The following NPL variants were observed in gnomAD, a reference collection of about 807,000 sequenced individuals.
The protein encoded by NPL is N-acetylneuraminate pyruvate lyase.
Under a neutral mutation model 41.1 loss-of-function variants are expected in NPL, and 32 were observed. That is an observed-to-expected ratio of 0.78 (90% CI 0.59 to 1.05). The LOEUF (loss-of-function observed/expected upper bound fraction) is 1.05. Ranked by LOEUF, NPL falls within the 50% of genes least tolerant of loss-of-function variation. The pLI is 0.00. For synonymous variants in NPL, 128 were observed against 134.9 expected, an observed-to-expected ratio of 0.95 and a Z score of 0.35; for missense variants, 321 against 378.4, an observed-to-expected ratio of 0.85 and a Z score of 1.26.
In NPL at chr1:182,828,928, G is replaced by A; in HGVS notation, c.*20G>A. ...AGCTAGTGCCTCTCTATCAAATCAG[G>A]GTTTGCACCTTGAGACATAATCTAC... is the stretch of plus-strand genomic sequence containing the variant. On this transcript the variant is annotated 3_prime_UTR_variant, in exon 13 of 13. Coordinates refer to ENST00000367553, the MANE Select transcript of NPL (RefSeq NM_030769.3). The surrounding 1 kb of genome is among the most constrained non-coding windows in gnomAD (Gnocchi z 4.0). 1 of 1,613,870 alleles carries A rather than the reference G, an allele frequency of 6.2e-7. No homozygotes were observed. Among genetic ancestry groups the A allele is most frequent in the Non-Finnish European group, 8.5e-7 (1 of 1,180,004 alleles).
At chr1:182,794,287 A>T in intron 2 of NPL, 69 bp from the exon 3 acceptor site, 1 of 1,287,736 alleles carries the variant, frequency 7.8e-7, no homozygotes, top group Non-Finnish European at 1.1e-6. Context: ...CTAGAAATGG[A>T]CTTTGCCTGG....
chr1:182,800,074 C>T (rs992868308), intron 3 of NPL, among the ~76,000 whole-genome samples: 2 of 152,060 alleles, frequency 1.3e-5, no homozygotes, highest in African/African-American at 2.4e-5. Flanking sequence ...TCCTGGTAAC[C>T]GATCATGGTT....
chr1:182,801,836 C>G (rs1666856197), intron 3 of NPL, among the ~76,000 whole-genome samples: 1 of 151,492 alleles, frequency 6.6e-6, no homozygotes, highest in Non-Finnish European at 1.5e-5. Flanking sequence ...GACCTTGTCT[C>G]CAAAAAAACA....
rs1315651967 is a variant in NPL, at chr1:182,830,362, A to G, written c.*1454A>G. On this transcript the variant is annotated 3_prime_UTR_variant, in exon 13 of 13. Transcript: ENST00000367553. ...TCTAAAATTAATTCTTGGGTATCCA[A>G]TAAACAAAGAACTATTTTTCTATTT... 1 of 152,256 alleles carries G rather than the reference A, an allele frequency of 6.6e-6. No homozygotes were observed. The highest frequency in any genetic ancestry group is 2.4e-5 in the African/African-American group (1 of 41,464). 9.4% of individuals were successfully genotyped at this position (152,256 alleles called of 1,614,324 possible).
chr1:182,812,128 C>T (rs371975075), intron 5 of NPL, 28 bp from the exon 6 acceptor site: 49 of 1,612,070 alleles, frequency 3.0e-5, no homozygotes, highest in Non-Finnish European at 3.7e-5. Flanking sequence ...AAACTCTAAG[C>T]GATGCAGCAG....
chr1:182,807,467 A>G (rs988186043), intron 5 of NPL, among the ~76,000 whole-genome samples: 1 of 152,114 alleles, frequency 6.6e-6, no homozygotes, highest in Non-Finnish European at 1.5e-5. Flanking sequence ...GTGCATATCC[A>G]CAGAAGCATT....
chr1:182,827,976 T>G (rs896709129), intron 12 of NPL, among the ~76,000 whole-genome samples: 1 of 152,234 alleles, frequency 6.6e-6, no homozygotes, highest in African/African-American at 2.4e-5. Flanking sequence ...GTATAGTACC[T>G]ATACTAAGTG....
intron 3 of NPL, among the ~76,000 whole-genome samples, chr1:182,798,461 C>G (rs953669754): frequency 6.6e-6 from 1 of 152,100 alleles, no homozygotes; most frequent in African/African-American, 2.4e-5. Flanking sequence ...CTCCTGACCT[C>G]AAGTGATCCG....
chr1:182,810,090 C>T (rs999334027), intron 5 of NPL: 1 of 152,156 alleles, frequency 6.6e-6, no homozygotes, highest in Admixed American at 6.6e-5. Context: ...GCCAAGAACC[C>T]CTGGAGGACT....
Position 182,801,988 on chromosome 1 carries a change from T to C in NPL, c.69-1710T>C, listed in dbSNP as rs554240516. Among the ~76,000 whole-genome samples, 5 of 152,368 alleles carry C rather than the reference T, an allele frequency of 3.3e-5. No homozygotes were observed. The South Asian group carries it at 1.0e-3, about 32-fold the overall frequency. On this transcript the variant is annotated intron_variant, in intron 3 of 12. Coordinates refer to ENST00000367553, the MANE Select transcript of NPL (RefSeq NM_030769.3). ...TTTGCCTCAGTCATAACCTTCATTA[T>C]ATTTTGCTATTTTAATCACGTATAC...
Position 182,807,720 on chromosome 1 carries a change from CAAAAAAA to C in NPL, c.230+1503_230+1509del, listed in dbSNP as rs753955697. On this transcript the variant is annotated intron_variant, in intron 5 of 12. Transcript: ENST00000367553. ...TGAAACCCCGTCTCTACTAAAAATACAAAAAAAAAAAAAAAAAAAAATTAGCCAGGCA... is the reference window on the plus strand; with the variant it reads ...TGAAACCCCGTCTCTACTAAAAATACAAAAAAAAAAAAAATTAGCCAGGCA... Among the ~76,000 whole-genome samples, 46 of 55,438 alleles carry C rather than the reference CAAAAAAA, an allele frequency of 8.3e-4. No individual in the cohort carries two copies. In the East Asian group the frequency reaches 0.014, roughly 17 times the overall value. 36.4% of individuals were successfully genotyped at this position (55,438 alleles called of 152,430 possible).
intron 11 of NPL, among the ~76,000 whole-genome samples, chr1:182,825,122 A>AT (rs1043295672): frequency 3.3e-5 from 5 of 152,222 alleles, no homozygotes; most frequent in African/African-American, 9.6e-5. Flanking sequence ...AAAACCTCTG[A>AT]TTTTTGAGAG....
At chr1:182,821,745 A>G (rs913628208) in intron 10 of NPL, among the ~76,000 whole-genome samples, 1 of 152,172 alleles carries the variant, frequency 6.6e-6, no homozygotes, top group Non-Finnish European at 1.5e-5. Context: ...TTTTCAGCAT[A>G]AGGCTTTTAG....
intron 5 of NPL, among the ~76,000 whole-genome samples, chr1:182,811,340 C>T (rs1667169961): frequency 1.3e-5 from 2 of 151,930 alleles, no homozygotes; most frequent in Non-Finnish European, 2.9e-5. Context: ...GCTATTCTCC[C>T]ATCTCAGCCC....
chr1:182,807,629 C>T (rs1667053658), intron 5 of NPL, among the ~76,000 whole-genome samples: 1 of 150,658 alleles, frequency 6.6e-6, no homozygotes, highest in African/African-American at 2.4e-5. Context: ...GTAATCCCAG[C>T]ACTTTGGGAG....
chr1:182,811,933 C>T (rs1303724680), intron 5 of NPL, among the ~76,000 whole-genome samples: 1 of 152,156 alleles, frequency 6.6e-6, no homozygotes, highest in Non-Finnish European at 1.5e-5. Context: ...AGTCAAATCA[C>T]AACCAACCTC....
chr1:182,810,624 A>G (rs1300650243), intron 5 of NPL, among the ~76,000 whole-genome samples: 1 of 151,918 alleles, frequency 6.6e-6, no homozygotes, highest in Non-Finnish European at 1.5e-5. Flanking sequence ...ATGATTCTTT[A>G]TCTTTACTGT....
intron 3 of NPL, among the ~76,000 whole-genome samples, chr1:182,801,140 A>G (rs1048092103): frequency 6.6e-6 from 1 of 152,174 alleles, no homozygotes; most frequent in African/African-American, 2.4e-5. Flanking sequence ...TTCAACCTAG[A>G]TCTCTCTAAA....
intron 10 of NPL, among the ~76,000 whole-genome samples, chr1:182,819,735 C>T (rs955921032): frequency 1.3e-5 from 2 of 152,240 alleles, no homozygotes; most frequent in Non-Finnish European, 2.9e-5. Context: ...TTAGCAGGAG[C>T]TGACCCTTAG....
Sources: gnomAD v4.1 joint callset for allele counts (sites outside exome capture counted in the v4.1 genomes callset) on GRCh38, gnomAD v4.1.1 for gene constraint, Gnocchi (gnomAD v3.1) non-coding constraint, MANE v1.5 for transcripts, NCBI Gene and HGNC (gene_info 2026-07-23, HGNC 2026-07-21) for gene names.